ENOX1: variants seen among roughly 807,000 people sequenced by gnomAD.
The protein encoded by ENOX1 is ecto-NOX disulfide-thiol exchanger 1.
ENOX1 carries 42 observed loss-of-function variants against 82.5 expected under a neutral mutation model. The ratio of observed to expected loss-of-function variants is 0.51; its 90% CI spans 0.40 to 0.66. The LOEUF is 0.66. Among genes scored for constraint, ENOX1 ranks in the 30% least tolerant of loss-of-function variants. The pLI is 0.00. For missense variants in ENOX1, 608 were observed against 811.6 expected (o/e 0.75, Z 3.05); for synonymous variants, 271 against 282.2 (o/e 0.96, Z 0.40).
chr13:43,749,360 G>C (rs1193378869), intron 1 of ENOX1, among the ~76,000 whole-genome samples: 1 of 152,216 alleles, frequency 6.6e-6, no homozygotes, highest in East Asian at 1.9e-4. Context: ...ATACAAGAAA[G>C]ATTCTCTGTA....
chr13:43,388,693 G>T (rs891294594), intron 5 of ENOX1, among the ~76,000 whole-genome samples: 2 of 152,186 alleles, frequency 1.3e-5, no homozygotes, highest in African/African-American at 4.8e-5. Flanking sequence ...CCTCGGGTGG[G>T]TAGGAGAGAG....
intron 1 of ENOX1, among the ~76,000 whole-genome samples, chr13:43,681,531 C>T (rs1001601627): frequency 2.0e-5 from 3 of 152,156 alleles, no homozygotes; most frequent in African/African-American, 7.2e-5. Context: ...AAGAATCTTA[C>T]TGTTTTTAAT....
At chr13:43,553,938 G>T (rs562548622) in intron 2 of ENOX1, among the ~76,000 whole-genome samples, 1 of 152,032 alleles carries the variant, frequency 6.6e-6, no homozygotes. Context: ...TAGTAGAGAC[G>T]GGATTTTGCC....
intron 5 of ENOX1, among the ~76,000 whole-genome samples, chr13:43,366,280 A>G (rs1269230819): frequency 2.9e-5 from 4 of 137,474 alleles, no homozygotes; most frequent in African/African-American, 7.9e-5. Flanking sequence ...AAGGCTGACC[A>G]GCTTTTTTTT....
At chr13:43,623,659 T>G (rs1407124667) in intron 2 of ENOX1, among the ~76,000 whole-genome samples, 2 of 152,084 alleles carry the variant, frequency 1.3e-5, no homozygotes, top group African/African-American at 4.8e-5. Context: ...GGTTTGCTCT[T>G]GCGGTCGATC....
chr13:43,458,461 C>T (rs903180183), intron 3 of ENOX1: 6 of 152,226 alleles, frequency 3.9e-5, no homozygotes, highest in African/African-American at 1.4e-4. Flanking sequence ...TTTTAGGCAT[C>T]GCATCACTGG....
At chr13:43,398,915 C>T (rs562286179) in intron 5 of ENOX1, among the ~76,000 whole-genome samples, 2 of 151,604 alleles carry the variant, frequency 1.3e-5, no homozygotes, top group Admixed American at 1.3e-4. Context: ...CCTGCCTCAG[C>T]CTCCTGAGTA....
intron 11 of ENOX1, among the ~76,000 whole-genome samples, chr13:43,317,962 G>C (rs193164677): frequency 6.6e-6 from 1 of 151,674 alleles, no homozygotes; most frequent in Non-Finnish European, 1.5e-5. Context: ...CCAAGATCAT[G>C]CCACTGCACT....
chr13:43,415,878 A>G (rs1293578145), intron 3 of ENOX1, among the ~76,000 whole-genome samples: 1 of 150,702 alleles, frequency 6.6e-6, no homozygotes, highest in African/African-American at 2.4e-5. Flanking sequence ...GCGGCCGGGC[A>G]GAGATGCTCC....
chr13:43,750,325 A>G (rs1281306085), intron 1 of ENOX1, among the ~76,000 whole-genome samples: 1 of 152,230 alleles, frequency 6.6e-6, no homozygotes, highest in African/African-American at 2.4e-5. Flanking sequence ...GCTTTGTGCC[A>G]GTATTATTAT....
At chr13:43,669,615 C>T (rs926476152) in intron 1 of ENOX1, among the ~76,000 whole-genome samples, 7 of 152,222 alleles carry the variant, frequency 4.6e-5, no homozygotes, top group Middle Eastern at 3.4e-3. Context: ...CTTTTCTTCA[C>T]TAACGTCCCC....
At chr13:43,235,920 T>A (rs528635970) in intron 15 of ENOX1, among the ~76,000 whole-genome samples, 11 of 152,240 alleles carry the variant, frequency 7.2e-5, no homozygotes, top group Admixed American at 3.3e-4. Context: ...GTTCTGTGCA[T>A]CACAGCATGA....
intron 1 of ENOX1, among the ~76,000 whole-genome samples, chr13:43,702,080 A>G (rs558193076): frequency 6.6e-6 from 1 of 152,316 alleles, no homozygotes; most frequent in African/African-American, 2.4e-5. Flanking sequence ...TGTTATATAA[A>G]TGGAATTATA....
At chr13:43,324,393 C>T (rs966145116) in intron 10 of ENOX1, among the ~76,000 whole-genome samples, 4 of 152,086 alleles carry the variant, frequency 2.6e-5, no homozygotes, top group Non-Finnish European at 5.9e-5. Context: ...CCACAGGGTG[C>T]CTCTGGTTCA....
intron 3 of ENOX1, among the ~76,000 whole-genome samples, chr13:43,471,175 T>C (rs2058049700): frequency 6.6e-6 from 1 of 152,060 alleles, no homozygotes; most frequent in African/African-American, 2.4e-5. Context: ...AAGAACAGAC[T>C]GATCTCAAAA....
chr13:43,348,230 CTA>C lies in ENOX1; in HGVS notation c.824-3482_824-3481del, dbSNP rs556200926. Among the ~76,000 whole-genome samples, 4 of 152,298 alleles carry C rather than the reference CTA, an allele frequency of 2.6e-5. No individual in the cohort carries two copies. In the East Asian group the frequency reaches 7.7e-4, roughly 29 times the overall value. The stretch of plus-strand genomic sequence containing the variant: ...CTAGGATGAATTAGGTGTCTCTTTG[CTA>C]TGTTTCCACAATTCCCCGCATATCC... On this transcript the variant is annotated intron_variant, in intron 8 of 16. Coordinates refer to ENST00000690772, the MANE Select transcript of ENOX1 (RefSeq NM_001347969.2).
chr13:43,284,306 G>A (rs910647116), intron 12 of ENOX1, among the ~76,000 whole-genome samples: 4 of 151,162 alleles, frequency 2.6e-5, no homozygotes, highest in South Asian at 4.2e-4. Flanking sequence ...CAAGGTGCAC[G>A]GAGAATGAGA....
Position 43,642,449 on chromosome 13 carries a change from C to T in ENOX1, c.-219+25030G>A, listed in dbSNP as rs536233953. 2.6e-5 allele frequency among the ~76,000 whole-genome samples: 4 copies of T among 152,288 alleles called. No homozygotes were observed. The East Asian group carries it at 7.7e-4, about 29-fold the overall frequency. On this transcript the variant is annotated intron_variant, in intron 2 of 16. Coordinates refer to ENST00000690772, the MANE Select transcript of ENOX1 (RefSeq NM_001347969.2). Reference sequence around the variant, plus strand: ...AAGTTTCCAACATGTTATGCTTTAACTAACTGTGAGTTGAAGTAATTATTG... The same window carrying T: ...AAGTTTCCAACATGTTATGCTTTAATTAACTGTGAGTTGAAGTAATTATTG...
intron 2 of ENOX1, among the ~76,000 whole-genome samples, chr13:43,517,589 A>G (rs1056344435): frequency 5.9e-5 from 9 of 152,078 alleles, no homozygotes; most frequent in African/African-American, 2.2e-4. Flanking sequence ...ATAAATCCCA[A>G]TCAATGTCTT....
Sources: allele counts gnomAD v4.1 joint callset (sites outside exome capture counted in the v4.1 genomes callset), GRCh38; gene constraint gnomAD v4.1.1; transcripts MANE v1.5; gene names NCBI Gene and HGNC (gene_info 2026-07-23, HGNC 2026-07-21).